SDHC: variants seen among roughly 807,000 people sequenced by gnomAD.
The protein encoded by SDHC is succinate dehydrogenase cytochrome b560 subunit, mitochondrial.
Under a neutral mutation model 22.6 loss-of-function variants are expected in SDHC, and 11 were observed. The ratio of observed to expected loss-of-function variants is 0.49; its 90% confidence interval spans 0.31 to 0.81. The LOEUF is 0.81. Ranked by LOEUF, SDHC falls within the 30% of genes least tolerant of loss-of-function variation. The pLI is 0.05. For missense variants in SDHC, 160 were observed against 212.0 expected, an observed-to-expected ratio of 0.75 and a Z score of 1.52; for synonymous variants, 80 against 77.8, an observed-to-expected ratio of 1.03 and a Z score of -0.15.
chr1:161,320,457 A>G (rs996097331), intron 1 of SDHC, among the ~76,000 whole-genome samples: 14 of 152,222 alleles, frequency 9.2e-5, no homozygotes, highest in Non-Finnish European at 1.6e-4. Flanking sequence ...TATGACTATA[A>G]TAAGATAAAT....
chr1:161,329,226 G>C (rs1671184492), intron 3 of SDHC, among the ~76,000 whole-genome samples: 1 of 151,894 alleles, frequency 6.6e-6, no homozygotes, highest in South Asian at 2.1e-4. Context: ...AAATTATTCA[G>C]ACATGCTAAT....
chr1:161,356,481 G>A (rs1457201539), intron 4 of SDHC, among the ~76,000 whole-genome samples, 196 bp from the exon 5 acceptor site: 1 of 152,204 alleles, frequency 6.6e-6, no homozygotes, highest in Non-Finnish European at 1.5e-5. Flanking sequence ...GGAGGTTGCA[G>A]TGAGCCAAGA....
At chr1:161,314,556 G>A (rs1333237403) in intron 1 of SDHC, 131 bp downstream of exon 1, 1 of 1,115,832 alleles carries the variant, frequency 9.0e-7, no homozygotes, top group Non-Finnish European at 1.3e-6. Context: ...GAGGCCAAGC[G>A]CTCGGGGATC....
rs533189184 is a variant in SDHC, at chr1:161,350,336, C to G, written c.242-6341C>G. Among the ~76,000 whole-genome samples the G allele has an allele frequency of 6.6e-5, 10 of 152,348 alleles. No homozygotes were observed. In the South Asian group the frequency reaches 2.1e-3, roughly 32 times the overall value. ...AAAGTGCTGGGATTACAGGCGTGAG[C>G]CACCATGCTCAGCCTGGATAATACC... is the stretch of plus-strand genomic sequence containing the variant. On this transcript the variant is annotated intron_variant, in intron 4 of 5. Coordinates refer to ENST00000367975, the MANE Select transcript of SDHC (RefSeq NM_003001.5).
At chr1:161,341,723 C>T (rs1004499237) in intron 4 of SDHC, among the ~76,000 whole-genome samples, 3 of 152,112 alleles carry the variant, frequency 2.0e-5, no homozygotes, top group African/African-American at 7.2e-5. Context: ...TCTCCTACCC[C>T]CACCAAAAAC....
At chr1:161,344,486 T>G (rs1394015454) in intron 4 of SDHC, among the ~76,000 whole-genome samples, 1 of 152,148 alleles carries the variant, frequency 6.6e-6, no homozygotes, top group Non-Finnish European at 1.5e-5. Context: ...AAAAGTTGTT[T>G]TTTTTCTGTC....
intron 1 of SDHC, among the ~76,000 whole-genome samples, chr1:161,321,142 T>C (rs1670822333): frequency 6.6e-6 from 1 of 152,202 alleles, no homozygotes; most frequent in Non-Finnish European, 1.5e-5. Flanking sequence ...GATTTTTTAC[T>C]TCCCAATGTT....
chr1:161,358,117 A>G (rs998069875), intron 5 of SDHC, among the ~76,000 whole-genome samples: 12 of 145,824 alleles, frequency 8.2e-5, no homozygotes, highest in Admixed American at 4.9e-4. Flanking sequence ...GCTCACTGCA[A>G]CCTCCACCTC....
At chr1:161,317,093 A>C (rs138681763) in intron 1 of SDHC, among the ~76,000 whole-genome samples, 12,231 of 148,032 alleles carry the variant, frequency 0.083, 594 homozygotes, top group Middle Eastern at 0.12. Context: ...ATCTTGGCTC[A>C]CTGCAACCGC....
At chr1:161,340,469 CT>C (rs1326874192) in intron 3 of SDHC, 124 bp from the exon 4 acceptor site, 28 of 791,642 alleles carry the variant, frequency 3.5e-5, no homozygotes, top group Non-Finnish European at 5.0e-5. Flanking sequence ...GAGACTCTGT[CT>C]CAAAAAAAAA....
chr1:161,321,752 TAATATC>T (rs1385249872), intron 1 of SDHC, among the ~76,000 whole-genome samples: 1 of 152,208 alleles, frequency 6.6e-6, no homozygotes, highest in African/African-American at 2.4e-5. Flanking sequence ...TTTGTGCATC[TAATATC>T]AATGGTGTGA....
At chr1:161,317,928 C>T (rs533135764) in intron 1 of SDHC, among the ~76,000 whole-genome samples, 1 of 152,042 alleles carries the variant, frequency 6.6e-6, no homozygotes, top group Non-Finnish European at 1.5e-5. Flanking sequence ...AATCCCAGCA[C>T]TTTGGGAGGC....
At chr1:161,318,272 C>T (rs1670702115) in intron 1 of SDHC, among the ~76,000 whole-genome samples, 1 of 152,076 alleles carries the variant, frequency 6.6e-6, no homozygotes, top group Admixed American at 6.6e-5. Context: ...CTTCCCCTTC[C>T]CCCTCCCCCG....
At chr1:161,349,486 AAAAAT>A (rs1357918990) in intron 4 of SDHC, among the ~76,000 whole-genome samples, 1 of 152,136 alleles carries the variant, frequency 6.6e-6, no homozygotes, top group Admixed American at 6.6e-5. Context: ...AATAAAAATA[AAAAAT>A]AAAATAAAAA....
At chr1:161,356,948 A>G (rs1672302331) in intron 5 of SDHC, 108 bp downstream of exon 5, 2 of 1,160,504 alleles carry the variant, frequency 1.7e-6, no homozygotes, top group African/African-American at 1.5e-5. Context: ...TTTTTTTCCC[A>G]AGAGTGGAGT....
At position 161,352,470 on chromosome 1, in the gene SDHC, T is replaced by C. The variant is rs550892024; in HGVS notation, c.242-4207T>C. On this transcript the variant is annotated intron_variant, in intron 4 of 5. Coordinates refer to ENST00000367975, the MANE Select transcript of SDHC (RefSeq NM_003001.5). ...GAACATATTACCAAGAATGAAAATA[T>C]TATACAAATGTATACTTAGAAAAGT... 1.2e-3 allele frequency among the ~76,000 whole-genome samples: 190 copies of C among 152,266 alleles called. 1 individual carries two copies. Among genetic ancestry groups the C allele is most frequent in the African/African-American group, 4.5e-3 (186 of 41,554 alleles).
intron 4 of SDHC, among the ~76,000 whole-genome samples, chr1:161,353,474 C>T (rs1039377681): frequency 3.3e-5 from 5 of 152,166 alleles, no homozygotes; most frequent in Non-Finnish European, 5.9e-5. Context: ...TATCATCTAT[C>T]CAGAGTGTCA....
chr1:161,315,250 G>A (rs1040480457), intron 1 of SDHC, among the ~76,000 whole-genome samples: 2 of 152,190 alleles, frequency 1.3e-5, no homozygotes, highest in Non-Finnish European at 2.9e-5. Flanking sequence ...TAGCTTCAAT[G>A]CTGTTGAGAT....
At chr1:161,325,701 C>T (rs772020454) in intron 2 of SDHC, among the ~76,000 whole-genome samples, 2 of 152,076 alleles carry the variant, frequency 1.3e-5, no homozygotes, top group Non-Finnish European at 2.9e-5. Flanking sequence ...ACTGAGGTAC[C>T]GAGCTGAATC....
Sources: gnomAD v4.1 joint callset for allele counts (sites outside exome capture counted in the v4.1 genomes callset) on GRCh38, gnomAD v4.1.1 for gene constraint, MANE v1.5 for transcripts, NCBI Gene and HGNC (gene_info 2026-07-23, HGNC 2026-07-21) for gene names.